Variants in MAP2K5 observed in about 807,000 individuals in gnomAD.
MAP2K5 encodes dual specificity mitogen-activated protein kinase kinase 5.
A neutral mutation model predicts 83.1 loss-of-function variants in MAP2K5; 49 were observed. The observed-to-expected ratio is 0.59, with a 90% CI of 0.47 to 0.75. The LOEUF is 0.75. MAP2K5 is among the 30% of genes least tolerant of loss of function. The probability of loss-of-function intolerance (pLI) is 0.00; values close to 1 mark genes in which losing one functional copy is unlikely to be tolerated. For missense variants in MAP2K5, 457 were observed against 557.5 expected (o/e 0.82, Z 1.82); for synonymous variants, 202 against 191.8 (o/e 1.05, Z -0.44).
chr15:67,714,400 A>C (rs2141230374), intron 16 of MAP2K5, among the ~76,000 whole-genome samples: 3 of 82,770 alleles, frequency 3.6e-5, no homozygotes, highest in African/African-American at 1.4e-4. Context: ...CCCCACCCCT[A>C]CCCAGCTGCC....
chr15:67,565,722 G>A lies in MAP2K5; in HGVS notation c.252+2372G>A, dbSNP rs555052560. Among the ~76,000 whole-genome samples the A allele has an allele frequency of 7.4e-4, 112 of 152,198 alleles. No homozygotes were observed. Among genetic ancestry groups the A allele is most frequent in the Middle Eastern group, 6.8e-3 (2 of 294 alleles). ...AGTTTAAAAGTTTCTGAGATTACTT[G>A]GGTCCACTTTTTTTTATCTGAATAG... On this transcript the variant is annotated intron_variant, in intron 3 of 21. Coordinates refer to ENST00000178640, the MANE Select transcript of MAP2K5 (RefSeq NM_145160.3). The surrounding 1 kb of genome is among the most constrained non-coding windows in gnomAD (Gnocchi z 4.1).
Position 67,577,101 on chromosome 15 carries a change from A to T in MAP2K5, c.253-3653A>T, listed in dbSNP as rs2085082501. Among the ~76,000 whole-genome samples the T allele has an allele frequency of 6.7e-6, 1 of 149,952 alleles. No homozygotes were observed. Among genetic ancestry groups the T allele is most frequent in the Admixed American group, 6.6e-5 (1 of 15,094 alleles). On this transcript the variant is annotated intron_variant, in intron 3 of 21. Transcript: ENST00000178640. This position sits in a 1 kb window ranked among gnomAD's most constrained non-coding sequence, Gnocchi z 4.1. ...CAGGCGCCCGCCACCGTGCCCGGCT[A>T]ATTTTTTGTATTTTTAGTAGAGACG...
chr15:67,608,666 A>G (rs1161698000), intron 8 of MAP2K5, among the ~76,000 whole-genome samples: 1 of 152,148 alleles, frequency 6.6e-6, no homozygotes, highest in Non-Finnish European at 1.5e-5. Context: ...TCTGAGAAAG[A>G]GAAGATTAAA....
intron 16 of MAP2K5, among the ~76,000 whole-genome samples, chr15:67,710,119 C>T (rs1163423710): frequency 6.6e-6 from 1 of 152,216 alleles, no homozygotes; most frequent in African/African-American, 2.4e-5. Context: ...TCCTCAGCCT[C>T]CTGAGTAGCT....
chr15:67,638,845 A>G lies in MAP2K5; in HGVS notation c.586-7386A>G, dbSNP rs1417206508. Among the ~76,000 whole-genome samples the G allele has an allele frequency of 6.6e-6, 1 of 152,152 alleles. No homozygotes were observed. The highest frequency in any genetic ancestry group is 1.5e-5 in the Non-Finnish European group (1 of 68,034). On this transcript the variant is annotated intron_variant, in intron 9 of 21. Transcript: ENST00000178640. This position sits in a 1 kb window ranked among gnomAD's most constrained non-coding sequence, Gnocchi z 4.5. Reference sequence around the variant, plus strand: ...TCAGTGATGTTGAGCGTTTTTCCATAGGATTGTTGGCCTCGTGTATATCTT... The same window carrying G: ...TCAGTGATGTTGAGCGTTTTTCCATGGGATTGTTGGCCTCGTGTATATCTT...
rs1477155366 is a variant in MAP2K5 at position 67,722,874 on chromosome 15, T to G, written c.1045-5042T>G. ...AATTAAGAACAAATTTTAGAACATT[T>G]CAGACTATAAAGTTGTCATTCAGCT... On this transcript the variant is annotated intron_variant, in intron 16 of 21. Transcript: ENST00000178640. The surrounding 1 kb of genome is among the most constrained non-coding windows in gnomAD (Gnocchi z 4.2). 1.3e-5 allele frequency among the ~76,000 whole-genome samples: 2 copies of G among 152,212 alleles called. No individual in the cohort carries two copies. The highest frequency in any genetic ancestry group is 2.9e-5 in the Non-Finnish European group (2 of 68,030).
rs1055735604 is a variant in MAP2K5 at position 67,606,444 on chromosome 15, G to A, written c.545+5695G>A. Among the ~76,000 whole-genome samples, 13 of 152,262 alleles carry A rather than the reference G, an allele frequency of 8.5e-5. No individual in the cohort carries two copies. The East Asian group carries it at 2.1e-3, about 25-fold the overall frequency. Reference sequence around the variant, plus strand: ...GTAGTATATATACTGCCTTCATGGTGTTTTGAAGGTTGAATGTATACCATT... The same window carrying A: ...GTAGTATATATACTGCCTTCATGGTATTTTGAAGGTTGAATGTATACCATT... On this transcript the variant is annotated intron_variant, in intron 8 of 21. Coordinates refer to ENST00000178640, the MANE Select transcript of MAP2K5 (RefSeq NM_145160.3).
chr15:67,591,543 G>A (rs950348523), intron 6 of MAP2K5, among the ~76,000 whole-genome samples: 4 of 150,806 alleles, frequency 2.7e-5, no homozygotes, highest in South Asian at 2.1e-4. Flanking sequence ...CTAATTTTTT[G>A]TATTTTTAGT....
At chr15:67,549,467 C>T (rs374673286) in intron 1 of MAP2K5, among the ~76,000 whole-genome samples, 1 of 152,146 alleles carries the variant, frequency 6.6e-6, no homozygotes, top group South Asian at 2.1e-4. Context: ...GAACTCCTAC[C>T]ATGATGAGTG....
Position 67,628,116 on chromosome 15 carries a change from G to A in MAP2K5, c.546-2772G>A, listed in dbSNP as rs931093382. On this transcript the variant is annotated intron_variant, in intron 8 of 21. Transcript: ENST00000178640. Reference sequence around the variant, plus strand: ...AAGAGCTGTGGGAACAAAGAGAGCTGTCTCAAGAGGAGATTCTCAAAGACC... The same window carrying A: ...AAGAGCTGTGGGAACAAAGAGAGCTATCTCAAGAGGAGATTCTCAAAGACC... 4.5e-5 allele frequency: 36 copies of A among 807,754 alleles called. No individual in the cohort carries two copies. In the African/African-American group the frequency reaches 6.0e-4, roughly 13 times the overall value. 50.0% of individuals were successfully genotyped at this position (807,754 alleles called of 1,614,324 possible).
At position 67,573,229 on chromosome 15, in the gene MAP2K5, A is replaced by G. The variant is rs747708019; in HGVS notation, c.253-7525A>G. On this transcript the variant is annotated intron_variant, in intron 3 of 21. Coordinates refer to ENST00000178640, the MANE Select transcript of MAP2K5 (RefSeq NM_145160.3). The surrounding 1 kb of genome is among the most constrained non-coding windows in gnomAD (Gnocchi z 4.2). ...GAGTTGCTCTGGTTCAAATGCCTCT[A>G]ACAACATTGCTATAAAGAGCTATTT... is the stretch of plus-strand genomic sequence containing the variant. Among the ~76,000 whole-genome samples, 20 of 152,106 alleles carry G rather than the reference A, an allele frequency of 1.3e-4. No homozygotes were observed. The highest frequency in any genetic ancestry group is 2.8e-4 in the Non-Finnish European group (19 of 67,998).
chr15:67,682,580 TCC>T, intron 13 of MAP2K5, among the ~76,000 whole-genome samples: 1 of 146,426 alleles, frequency 6.8e-6, no homozygotes, highest in East Asian at 2.3e-4. Flanking sequence ...ACACCTGTAA[TCC>T]CAGCACTTTG....
At chr15:67,610,597 T>G (rs1443159892) in intron 8 of MAP2K5, among the ~76,000 whole-genome samples, 2 of 152,192 alleles carry the variant, frequency 1.3e-5, no homozygotes, top group African/African-American at 2.4e-5. Context: ...CGCGTATAAC[T>G]TTCTGCCACA....
Position 67,677,925 on chromosome 15 carries a change from A to G in MAP2K5, c.847+13280A>G, listed in dbSNP as rs948583302. On this transcript the variant is annotated intron_variant, in intron 13 of 21. Coordinates refer to ENST00000178640, the MANE Select transcript of MAP2K5 (RefSeq NM_145160.3). The surrounding 1 kb of genome is among the most constrained non-coding windows in gnomAD (Gnocchi z 4.2). ...ACCGAATCATGAGACTCCAGGCAAT[A>G]ACTGCCATTGAGGATGGCTAATTAT... is the stretch of plus-strand genomic sequence containing the variant. Among the ~76,000 whole-genome samples the G allele has an allele frequency of 6.6e-6, 1 of 152,230 alleles. No individual in the cohort carries two copies. Among genetic ancestry groups the G allele is most frequent in the Non-Finnish European group, 1.5e-5 (1 of 68,032 alleles).
intron 19 of MAP2K5, among the ~76,000 whole-genome samples, chr15:67,767,582 TA>T (rs1232982177): frequency 3.3e-5 from 5 of 152,210 alleles, no homozygotes; most frequent in Non-Finnish European, 5.9e-5. Flanking sequence ...TTTGAGACAG[TA>T]AAATGTCATT....
In MAP2K5 at chr15:67,772,712, G is replaced by A. The variant is rs190691573; in HGVS notation, c.1202G>A (p.Arg401Gln). ...TTTTTTTCTCTCCACTATAGTATGC[G>A]AAAACAGCCAAAAGAAAGGCCAGCA... ...PFVHFITQCMRKQPKERPAPE... is the reference protein window; with the variant it reads ...PFVHFITQCMQKQPKERPAPE... The change falls in exon 21 of 22, where the codon CGA becomes CAA. Residue 401 changes from arginine to glutamine, a missense_variant. Physicochemically the swap from Arg to Gln is conservative, Grantham distance 43. Transcript: ENST00000178640. 26 of 1,602,684 alleles carry A rather than the reference G, an allele frequency of 1.6e-5. No individual in the cohort carries two copies. The highest frequency in any genetic ancestry group is 4.5e-5 in the South Asian group (4 of 88,942).
At chr15:67,580,866 A>T (rs767463136) in intron 4 of MAP2K5, 43 bp downstream of exon 4, 80 of 1,273,588 alleles carry the variant, frequency 6.3e-5, no homozygotes, top group Non-Finnish European at 2.2e-5. Context: ...TATTTCAGTA[A>T]ACTGTTTCAT....
intron 11 of MAP2K5, among the ~76,000 whole-genome samples, chr15:67,649,056 A>T (rs901253501): frequency 6.6e-6 from 1 of 152,058 alleles, no homozygotes; most frequent in African/African-American, 2.4e-5. Context: ...AATACTTGTC[A>T]TTTTGTGTCT....
chr15:67,751,868 GC>G (rs756148222), intron 19 of MAP2K5, among the ~76,000 whole-genome samples: 4 of 152,092 alleles, frequency 2.6e-5, no homozygotes, highest in Non-Finnish European at 5.9e-5. Context: ...ATATTCTCGG[GC>G]CTCTTGAAGT....
Sources: allele counts gnomAD v4.1 joint callset (sites outside exome capture counted in the v4.1 genomes callset), GRCh38; gene constraint gnomAD v4.1.1; non-coding constraint Gnocchi (gnomAD v3.1); transcripts MANE v1.5; gene names NCBI Gene and HGNC (gene_info 2026-07-23, HGNC 2026-07-21).